HS3ST4: variants seen among roughly 807,000 people sequenced by gnomAD.
HS3ST4 encodes heparan sulfate-glucosamine 3-sulfotransferase 4, also known as heparan sulfate glucosamine 3-O-sulfotransferase 4.
Under a neutral mutation model 29.2 loss-of-function variants are expected in HS3ST4, and 17 were observed. The ratio of observed to expected loss-of-function variants is 0.58; its 90% confidence interval spans 0.40 to 0.87. The LOEUF (loss-of-function observed/expected upper bound fraction) is 0.87. Among genes scored for constraint, HS3ST4 ranks in the 40% least tolerant of loss-of-function variants. The pLI is 0.00. For missense variants in HS3ST4, 627 were observed against 634.5 expected, an observed-to-expected ratio of 0.99 and a Z score of 0.13; for synonymous variants, 314 against 285.7, an observed-to-expected ratio of 1.10 and a Z score of -1.00.
At chr16:25,955,193 A>G (rs1968718196) in intron 1 of HS3ST4, among the ~76,000 whole-genome samples, 1 of 152,106 alleles carries the variant, frequency 6.6e-6, no homozygotes, top group Non-Finnish European at 1.5e-5. Flanking sequence ...CCTTATAGGT[A>G]CCCTGGACCT....
chr16:25,840,098 C>T (rs1235633756), intron 1 of HS3ST4, among the ~76,000 whole-genome samples: 2 of 152,204 alleles, frequency 1.3e-5, no homozygotes, highest in Non-Finnish European at 2.9e-5. Flanking sequence ...TCTCTTCTTA[C>T]AACACCATAA....
chr16:25,987,329 A>G (rs951670354), intron 1 of HS3ST4, among the ~76,000 whole-genome samples: 4 of 151,960 alleles, frequency 2.6e-5, no homozygotes, highest in African/African-American at 9.7e-5. Context: ...AGCCTGGGCA[A>G]CAAGAGCAAA....
intron 1 of HS3ST4, among the ~76,000 whole-genome samples, chr16:25,888,366 C>G (rs1184372011): frequency 1.3e-5 from 2 of 152,226 alleles, no homozygotes; most frequent in Non-Finnish European, 2.9e-5. Context: ...TTCTCCCTCT[C>G]TTTATCTCTG....
Position 26,126,979 on chromosome 16 carries a change from G to A in HS3ST4, c.735-8633G>A, listed in dbSNP as rs575213319. 5.3e-5 allele frequency among the ~76,000 whole-genome samples: 8 copies of A among 152,116 alleles called. No homozygotes were observed. The East Asian group carries it at 1.4e-3, about 26-fold the overall frequency. ...GAGATAAAAATTAGCCGGACCATGGGAATAAGGGAATAGCTACCCTCCTTG... is the reference window on the plus strand; with the variant it reads ...GAGATAAAAATTAGCCGGACCATGGAAATAAGGGAATAGCTACCCTCCTTG... On this transcript the variant is annotated intron_variant, in intron 1 of 1. Transcript: ENST00000331351.
intron 1 of HS3ST4, among the ~76,000 whole-genome samples, chr16:25,696,046 T>C (rs1316391993): frequency 6.6e-6 from 1 of 152,180 alleles, no homozygotes; most frequent in Non-Finnish European, 1.5e-5. Flanking sequence ...CCTATGCTGT[T>C]GATCTAATGT....
intron 1 of HS3ST4, among the ~76,000 whole-genome samples, chr16:25,724,829 G>A (rs966021940): frequency 3.9e-5 from 6 of 152,006 alleles, no homozygotes; most frequent in East Asian, 1.9e-4. Flanking sequence ...TGTTGAGTTC[G>A]TGGACATTTT....
At chr16:25,797,335 A>G (rs1047685844) in intron 1 of HS3ST4, among the ~76,000 whole-genome samples, 34 of 152,198 alleles carry the variant, frequency 2.2e-4, no homozygotes, top group African/African-American at 7.0e-4. Context: ...TGATGTTAAG[A>G]TATCTGAATT....
intron 1 of HS3ST4, among the ~76,000 whole-genome samples, chr16:25,887,984 A>C (rs892461778): frequency 2.0e-5 from 3 of 152,058 alleles, no homozygotes; most frequent in Non-Finnish European, 4.4e-5. Context: ...GGCATGAGCC[A>C]CCGCGCCCGT....
At chr16:26,068,019 C>G (rs1898560894) in intron 1 of HS3ST4, among the ~76,000 whole-genome samples, 1 of 152,114 alleles carries the variant, frequency 6.6e-6, no homozygotes, top group Non-Finnish European at 1.5e-5. Context: ...TTGGTTATGT[C>G]TTTATTAACA....
At chr16:26,017,902 T>A (rs1969375925) in intron 1 of HS3ST4, among the ~76,000 whole-genome samples, 2 of 152,194 alleles carry the variant, frequency 1.3e-5, no homozygotes. Flanking sequence ...TGACAAGGAC[T>A]GTCTGTACAG....
intron 1 of HS3ST4, among the ~76,000 whole-genome samples, chr16:25,782,032 G>A (rs992671092): frequency 2.0e-5 from 3 of 152,172 alleles, no homozygotes; most frequent in African/African-American, 7.2e-5. Context: ...GTTCAGCATG[G>A]CTGGGGAGGC....
chr16:25,756,675 A>G (rs191252436), intron 1 of HS3ST4, among the ~76,000 whole-genome samples: 2 of 152,322 alleles, frequency 1.3e-5, no homozygotes, highest in Admixed American at 1.3e-4. Context: ...CTTGCGGTGA[A>G]ACTGCTTTGT....
intron 1 of HS3ST4, among the ~76,000 whole-genome samples, chr16:25,765,182 T>G (rs75337233): frequency 0.02 from 3,059 of 152,288 alleles, 97 homozygotes; most frequent in African/African-American, 0.069. Context: ...TTTAAAGTTA[T>G]GTTTTGATCC....
intron 1 of HS3ST4, among the ~76,000 whole-genome samples, chr16:25,697,411 G>A (rs1198654082): frequency 6.6e-6 from 1 of 152,206 alleles, no homozygotes; most frequent in African/African-American, 2.4e-5. Flanking sequence ...TGCTGTAAGT[G>A]TAAGATACAC....
chr16:25,885,114 T>G (rs1178438400), intron 1 of HS3ST4, among the ~76,000 whole-genome samples: 1 of 152,196 alleles, frequency 6.6e-6, no homozygotes, highest in Non-Finnish European at 1.5e-5. Context: ...TGTCCAAAGC[T>G]GCTTAGGAAG....
chr16:25,846,577 T>G (rs1486499798), intron 1 of HS3ST4, among the ~76,000 whole-genome samples: 1 of 151,952 alleles, frequency 6.6e-6, no homozygotes, highest in Non-Finnish European at 1.5e-5. Flanking sequence ...CAGTTTGCCA[T>G]CAATATCTTA....
At chr16:26,016,381 T>G (rs1272131579) in intron 1 of HS3ST4, among the ~76,000 whole-genome samples, 1 of 152,216 alleles carries the variant, frequency 6.6e-6, no homozygotes, top group Non-Finnish European at 1.5e-5. Flanking sequence ...AACAGGGCAT[T>G]GAGTAACACT....
chr16:25,921,091 T>A (rs779934274), intron 1 of HS3ST4, among the ~76,000 whole-genome samples: 23 of 152,248 alleles, frequency 1.5e-4, no homozygotes, highest in Non-Finnish European at 3.2e-4. Context: ...CCCACTTTAA[T>A]GTAAGCTTCA....
intron 1 of HS3ST4, among the ~76,000 whole-genome samples, chr16:26,099,528 A>G (rs191667356): frequency 6.6e-6 from 1 of 152,362 alleles, no homozygotes; most frequent in Non-Finnish European, 1.5e-5. Context: ...CCAATCTTGG[A>G]TAAAGTAAAC....
Sources: gnomAD v4.1 joint callset for allele counts (sites outside exome capture counted in the v4.1 genomes callset) on GRCh38, gnomAD v4.1.1 for gene constraint, MANE v1.5 for transcripts, NCBI Gene and HGNC (gene_info 2026-07-23, HGNC 2026-07-21) for gene names.